Variants in TTLL11 observed in about 807,000 individuals in gnomAD.
TTLL11 encodes the protein tubulin polyglutamylase TTLL11.
TTLL11 carries 42 observed loss-of-function variants against 51.7 expected under a neutral mutation model. That is an observed-to-expected ratio of 0.81 (90% CI 0.64 to 1.05). The LOEUF (loss-of-function observed/expected upper bound fraction) is 1.05, where lower values mean the gene tolerates loss of function less well. Ranked by LOEUF, TTLL11 falls within the 50% of genes least tolerant of loss-of-function variation. The pLI is 0.00. For missense variants in TTLL11, 799 were observed against 940.4 expected (o/e 0.85, Z 1.97); for synonymous variants, 381 against 383.5 (o/e 0.99, Z 0.08).
intron 6 of TTLL11, among the ~76,000 whole-genome samples, chr9:121,906,946 G>A (rs1839969388): frequency 6.6e-6 from 1 of 152,088 alleles, no homozygotes; most frequent in Non-Finnish European, 1.5e-5. Flanking sequence ...GGTGGCTCAT[G>A]TCTGTATTTC....
Position 122,039,330 on chromosome 9 carries a change from C to G in TTLL11, c.501G>C (p.Trp167Cys), listed in dbSNP as rs1376511134. The change falls in exon 2 of 9, where the codon TGG becomes TGC. Residue 167 changes from tryptophan to cysteine, a missense_variant. Coordinates refer to ENST00000321582, the MANE Select transcript of TTLL11 (RefSeq NM_001139442.2). Reference protein sequence around the residue: ...FGRRLPCDIYWHGVSFHDNDI... With the variant: ...FGRRLPCDIYCHGVSFHDNDI... ...CATTGTCGTGAAATGAAACTCCATGCCAGTAGATGTCACAAGGCAAGCGCC... is the reference window on the plus strand; with the variant it reads ...CATTGTCGTGAAATGAAACTCCATGGCAGTAGATGTCACAAGGCAAGCGCC... The G allele has an allele frequency of 6.2e-7, 1 of 1,613,810 alleles. No homozygotes were observed. The highest frequency in any genetic ancestry group is 8.5e-7 in the Non-Finnish European group (1 of 1,179,920).
intron 4 of TTLL11, among the ~76,000 whole-genome samples, chr9:121,982,583 G>A (rs961023440): frequency 3.3e-5 from 5 of 152,108 alleles, no homozygotes; most frequent in African/African-American, 4.8e-5. Context: ...TTCTCTGGGC[G>A]TGGTGGCGGG....
intron 6 of TTLL11, 106 bp downstream of exon 6, chr9:121,973,903 A>G (rs1392553094): frequency 2.3e-5 from 15 of 663,096 alleles, no homozygotes; most frequent in African/African-American, 3.7e-5. Context: ...TAAGATGTAA[A>G]TCTCACTCAC....
At chr9:121,973,934 A>T in intron 6 of TTLL11, 75 bp downstream of exon 6, 1 of 1,025,856 alleles carries the variant, frequency 9.7e-7, no homozygotes. Context: ...GGTTCCAAGA[A>T]CTTACCTGCT....
In TTLL11 at chr9:122,093,290, C is replaced by T. The variant is rs1489614647; in HGVS notation, c.-142G>A. 2 of 1,573,408 alleles carry T rather than the reference C, an allele frequency of 1.3e-6. No individual in the cohort carries two copies. Among genetic ancestry groups the T allele is most frequent in the Non-Finnish European group, 1.7e-6 (2 of 1,168,782 alleles). The stretch of plus-strand genomic sequence containing the variant: ...GCCCGTTGCCATGATCGCTCAGGCT[C>T]GGGTTGACAGCGGCAGTCACCGCAT... On this transcript the variant is annotated 5_prime_UTR_variant, in exon 1 of 9. Transcript: ENST00000321582.
In TTLL11 at chr9:121,989,881, C is replaced by A; in HGVS notation, c.694-111G>T. ...TGAATGAGTGACAAGATGATCCCTG[C>A]CGATCTGAGCAGGGGCTGAGCATCT... On this transcript the variant is annotated intron_variant, in intron 3 of 8. Coordinates refer to ENST00000321582, the MANE Select transcript of TTLL11 (RefSeq NM_001139442.2). The surrounding 1 kb of genome is among the most constrained non-coding windows in gnomAD (Gnocchi z 4.2). The A allele has an allele frequency of 2.0e-6, 3 of 1,502,932 alleles. No homozygotes were observed. The highest frequency in any genetic ancestry group is 1.4e-5 in the South Asian group (1 of 73,950). 93.1% of individuals were successfully genotyped at this position (1,502,932 alleles called of 1,614,324 possible).
chr9:121,912,777 G>A (rs1197126358), intron 6 of TTLL11, among the ~76,000 whole-genome samples: 2 of 151,534 alleles, frequency 1.3e-5, no homozygotes, highest in Non-Finnish European at 2.9e-5. Context: ...AGAATGTGAT[G>A]AGTTTGAGGC....
intron 8 of TTLL11, among the ~76,000 whole-genome samples, chr9:121,841,175 G>A (rs929481859): frequency 1.3e-5 from 2 of 152,168 alleles, no homozygotes; most frequent in Non-Finnish European, 2.9e-5. Context: ...GAGGCCCCAC[G>A]ATGGAAGCAC....
intron 8 of TTLL11, among the ~76,000 whole-genome samples, chr9:121,837,103 C>T (rs1291561615): frequency 6.6e-6 from 1 of 152,166 alleles, no homozygotes; most frequent in East Asian, 1.9e-4. Context: ...TAGATCTACC[C>T]TGTTGTTTAT....
chr9:122,017,730 G>C (rs1231800232), intron 3 of TTLL11, among the ~76,000 whole-genome samples: 2 of 152,214 alleles, frequency 1.3e-5, no homozygotes, highest in East Asian at 3.9e-4. Flanking sequence ...CAAAGTGCTG[G>C]GATTACAGGC....
chr9:121,910,947 AT>A (rs1311773951), intron 6 of TTLL11, among the ~76,000 whole-genome samples: 8 of 152,198 alleles, frequency 5.3e-5, no homozygotes, highest in Non-Finnish European at 1.2e-4. Context: ...AGTCATAGAG[AT>A]TTTTTTAATG....
chr9:121,878,846 C>T (rs1044880151), intron 6 of TTLL11, among the ~76,000 whole-genome samples: 2 of 152,160 alleles, frequency 1.3e-5, no homozygotes, highest in Admixed American at 6.5e-5. Context: ...GGCAATGAAA[C>T]ATTTTGTACA....
Position 121,890,646 on chromosome 9 carries a change from C to T in TTLL11, c.1482-19898G>A, listed in dbSNP as rs769578445. Among the ~76,000 whole-genome samples, 17 of 152,178 alleles carry T rather than the reference C, an allele frequency of 1.1e-4. No individual in the cohort carries two copies. Among genetic ancestry groups the T allele is most frequent in the African/African-American group, 4.1e-4 (17 of 41,448 alleles). On this transcript the variant is annotated intron_variant, in intron 6 of 8. Transcript: ENST00000321582. The surrounding 1 kb of genome is among the most constrained non-coding windows in gnomAD (Gnocchi z 4.3). ...CATTTATTTTGTTTATTTTCCATCT[C>T]CTGTCCTCTCATCCTCCACCTCCCA...
chr9:121,990,400 G>A (rs949564079), intron 3 of TTLL11, among the ~76,000 whole-genome samples: 1 of 152,178 alleles, frequency 6.6e-6, no homozygotes, highest in African/African-American at 2.4e-5. Flanking sequence ...AAATGCAAGA[G>A]GCTAAGGACC....
rs1403334553 is a variant in TTLL11 at position 121,818,409 on chromosome 9, G to C, written c.*4178C>G. 2 of 152,280 alleles carry C rather than the reference G, an allele frequency of 1.3e-5. No homozygotes were observed. The highest frequency in any genetic ancestry group is 2.9e-5 in the Non-Finnish European group (2 of 68,078). 9.4% of individuals were successfully genotyped at this position (152,280 alleles called of 1,614,324 possible). On this transcript the variant is annotated 3_prime_UTR_variant, in exon 9 of 9. Transcript: ENST00000321582. ...CACCCGCAGGCAAAGTGGAGAGCAA[G>C]TGTGGTAACACTGTCTCCTCTCCCG...
chr9:121,852,911 C>T (rs1022265955), intron 8 of TTLL11, among the ~76,000 whole-genome samples: 25 of 152,234 alleles, frequency 1.6e-4, no homozygotes, highest in African/African-American at 5.5e-4. Flanking sequence ...CGAGGCGCTG[C>T]GTGAAACTGG....
intron 1 of TTLL11, among the ~76,000 whole-genome samples, chr9:122,076,061 T>C (rs1486139169): frequency 6.6e-6 from 1 of 152,220 alleles, no homozygotes; most frequent in East Asian, 1.9e-4. Flanking sequence ...ATCTTTGTGA[T>C]GATACTCACC....
chr9:121,906,175 T>A (rs1335244946), intron 6 of TTLL11, among the ~76,000 whole-genome samples: 1 of 152,130 alleles, frequency 6.6e-6, no homozygotes, highest in African/African-American at 2.4e-5. Context: ...TCATGAAGAT[T>A]TGTATCTCTA....
intron 4 of TTLL11, among the ~76,000 whole-genome samples, chr9:121,982,862 T>C (rs899773304): frequency 2.0e-5 from 3 of 151,940 alleles, no homozygotes; most frequent in Admixed American, 6.6e-5. Flanking sequence ...TGAGGTCAGA[T>C]AGACAAGGGG....
Sources: allele counts gnomAD v4.1 joint callset (sites outside exome capture counted in the v4.1 genomes callset), GRCh38; gene constraint gnomAD v4.1.1; non-coding constraint Gnocchi (gnomAD v3.1); transcripts MANE v1.5; gene names NCBI Gene and HGNC (gene_info 2026-07-23, HGNC 2026-07-21).